The following CARMIL1 variants were observed in gnomAD, a reference collection of about 807,000 sequenced individuals.
CARMIL1 encodes F-actin-uncapping protein LRRC16A.
CARMIL1 carries 90 observed loss-of-function variants against 177.1 expected under a neutral mutation model. The observed-to-expected ratio is 0.51, with a 90% CI of 0.43 to 0.61. The LOEUF is 0.61. Among genes scored for constraint, CARMIL1 ranks in the 20% least tolerant of loss-of-function variants. CARMIL1 has a pLI of 0.00. For synonymous variants in CARMIL1, 577 were observed against 606.2 expected (o/e 0.95, Z 0.71); for missense variants, 1,380 against 1,667.0 (o/e 0.83, Z 3.00).
chr6:25,319,610 C>T (rs183956400), intron 2 of CARMIL1, among the ~76,000 whole-genome samples: 144 of 152,168 alleles, frequency 9.5e-4, no homozygotes, highest in Non-Finnish European at 1.5e-3. Context: ...AAGGTACATA[C>T]ACATTTAATA....
intron 2 of CARMIL1, among the ~76,000 whole-genome samples, chr6:25,291,562 G>T (rs971601285): frequency 2.0e-5 from 3 of 152,168 alleles, no homozygotes; most frequent in Non-Finnish European, 2.9e-5. Context: ...TTTTCAGACG[G>T]ATATTCATGC....
At chr6:25,590,884 C>A (rs915742566) in intron 31 of CARMIL1, among the ~76,000 whole-genome samples, 1 of 152,082 alleles carries the variant, frequency 6.6e-6, no homozygotes, top group African/African-American at 2.4e-5. Context: ...GTTGTCATCT[C>A]TTTTTCTAAG....
At chr6:25,281,152 A>C (rs1021833397) in intron 1 of CARMIL1, among the ~76,000 whole-genome samples, 2 of 149,920 alleles carry the variant, frequency 1.3e-5, no homozygotes, top group Non-Finnish European at 3.0e-5. Flanking sequence ...ACACACACAC[A>C]CACACACACA....
chr6:25,334,919 G>GT (rs1211709521), intron 2 of CARMIL1, among the ~76,000 whole-genome samples: 1 of 152,208 alleles, frequency 6.6e-6, no homozygotes, highest in East Asian at 1.9e-4. Context: ...AGCATGAACA[G>GT]TAACAATCTG....
At chr6:25,459,266 C>CTTTCTTTCTTTCTTTTCTTTTCTTTCT in intron 8 of CARMIL1, among the ~76,000 whole-genome samples, 1 of 73,754 alleles carries the variant, frequency 1.4e-5, no homozygotes, top group African/African-American at 4.9e-5. Flanking sequence ...TTCTTTCTTT[C>CTTTCTTTCTTTCTTTTCTTTTCTTTCT]TTTTTTTTTT....
At chr6:25,460,479 T>C (rs1231873658) in intron 8 of CARMIL1, among the ~76,000 whole-genome samples, 1 of 152,198 alleles carries the variant, frequency 6.6e-6, no homozygotes, top group East Asian at 1.9e-4. Context: ...CATGGTGGCT[T>C]GATGCCCAGA....
chr6:25,561,860 T>C (rs890302584), intron 29 of CARMIL1, among the ~76,000 whole-genome samples: 1 of 152,176 alleles, frequency 6.6e-6, no homozygotes, highest in Non-Finnish European at 1.5e-5. Flanking sequence ...AATGTCTTTT[T>C]CTTACTGATA....
chr6:25,330,676 G>A (rs1301599792), intron 2 of CARMIL1, among the ~76,000 whole-genome samples: 6 of 131,862 alleles, frequency 4.6e-5, no homozygotes, highest in East Asian at 2.4e-4. Context: ...GCACCCCCCC[G>A]CCCATCTCTA....
intron 31 of CARMIL1, among the ~76,000 whole-genome samples, chr6:25,585,896 A>G (rs1237865001): frequency 6.6e-6 from 1 of 152,216 alleles, no homozygotes; most frequent in African/African-American, 2.4e-5. Context: ...ATCCCAAGGC[A>G]GAAGAATTTT....
chr6:25,377,896 T>G (rs1190178028), intron 2 of CARMIL1, among the ~76,000 whole-genome samples: 1 of 152,110 alleles, frequency 6.6e-6, no homozygotes, highest in East Asian at 1.9e-4. Context: ...TGCTTTGCCT[T>G]ATGTACCCAG....
At chr6:25,591,682 C>T (rs374428695) in intron 31 of CARMIL1, among the ~76,000 whole-genome samples, 2 of 152,230 alleles carry the variant, frequency 1.3e-5, no homozygotes, top group Admixed American at 6.5e-5. Context: ...TTTTCTACTG[C>T]TCTTCACGTA....
At chr6:25,566,235 T>C (rs1242815797) in intron 29 of CARMIL1, among the ~76,000 whole-genome samples, 1 of 152,244 alleles carries the variant, frequency 6.6e-6, no homozygotes, top group East Asian at 1.9e-4. Context: ...ATCAGATTGG[T>C]ATCTAAGGTG....
rs189268554 is a variant in CARMIL1 at position 25,450,607 on chromosome 6, T to C, written c.541-31T>C. ...TGCTTTCCTGGTCATCTGCATGGAC[T>C]GATGACATGACTGAATTATATTTCA... On this transcript the variant is annotated intron_variant, in intron 7 of 36. Transcript: ENST00000329474. 131 of 1,305,534 alleles carry C rather than the reference T, an allele frequency of 1.0e-4. No homozygotes were observed. In the African/African-American group the frequency reaches 1.6e-3, roughly 16 times the overall value. The allele number at this position is 1,305,534 out of a possible 1,614,324, so 80.9% of individuals were successfully genotyped here. A position where few individuals can be genotyped will look rare whatever the true frequency, so the allele number is the denominator to read the frequency against.
At chr6:25,537,647 C>A (rs1442034579) in intron 24 of CARMIL1, among the ~76,000 whole-genome samples, 1 of 152,064 alleles carries the variant, frequency 6.6e-6, no homozygotes, top group African/African-American at 2.4e-5. Context: ...ATTAAAGTTG[C>A]CAAAGGTTAC....
Position 25,557,807 on chromosome 6 carries a change from A to T in CARMIL1, c.2742+957A>T, listed in dbSNP as rs965790995. Among the ~76,000 whole-genome samples, 5 of 152,178 alleles carry T rather than the reference A, an allele frequency of 3.3e-5. No homozygotes were observed. The East Asian group carries it at 7.7e-4, about 23-fold the overall frequency. On this transcript the variant is annotated intron_variant, in intron 29 of 36. Coordinates refer to ENST00000329474, the MANE Select transcript of CARMIL1 (RefSeq NM_017640.6). ...CTAGGAGGGAATGTAGTGTGTTAAG[A>T]AGTTTACTTATTTATAAACCACTGT...
At chr6:25,287,471 G>A (rs1372745938) in intron 2 of CARMIL1, 1 of 152,786 alleles carries the variant, frequency 6.5e-6, no homozygotes, top group Non-Finnish European at 1.5e-5. Context: ...TGGAGGAAGA[G>A]CAAAGAAATC....
Position 25,558,002 on chromosome 6 carries a change from C to T in CARMIL1, c.2742+1152C>T, listed in dbSNP as rs1810779634. Reference sequence around the variant, plus strand: ...ACAGTTTTCTATATAATTATATAAACCTGCACATATATTTAATCTGGGTGG... The same window carrying T: ...ACAGTTTTCTATATAATTATATAAATCTGCACATATATTTAATCTGGGTGG... On this transcript the variant is annotated intron_variant, in intron 29 of 36. Transcript: ENST00000329474. The surrounding 1 kb of genome is among the most constrained non-coding windows in gnomAD (Gnocchi z 4.1). Among the ~76,000 whole-genome samples, 1 of 152,082 alleles carries T rather than the reference C, an allele frequency of 6.6e-6. No homozygotes were observed. Among genetic ancestry groups the T allele is most frequent in the African/African-American group, 2.4e-5 (1 of 41,416 alleles).
chr6:25,356,219 G>A (rs1370951978), intron 2 of CARMIL1, among the ~76,000 whole-genome samples: 1 of 152,002 alleles, frequency 6.6e-6, no homozygotes, highest in Non-Finnish European at 1.5e-5. Context: ...CACTGCGCCC[G>A]GCTAATTTTT....
At chr6:25,619,161 T>G (rs561034883) in intron 36 of CARMIL1, among the ~76,000 whole-genome samples, 16 of 152,270 alleles carry the variant, frequency 1.1e-4, no homozygotes, top group Non-Finnish European at 2.1e-4. Context: ...CCCACCATCC[T>G]TTCCTCGGGG....
Sources: gnomAD v4.1 joint callset for allele counts (sites outside exome capture counted in the v4.1 genomes callset) on GRCh38, gnomAD v4.1.1 for gene constraint, Gnocchi (gnomAD v3.1) non-coding constraint, MANE v1.5 for transcripts, NCBI Gene and HGNC (gene_info 2026-07-23, HGNC 2026-07-21) for gene names.